ZNF77: variants seen among roughly 807,000 people sequenced by gnomAD.
ZNF77 encodes ZNFpT1.
ZNF77 carries 15 observed loss-of-function variants against 13.5 expected under a neutral mutation model. That is an observed-to-expected ratio of 1.11 (90% confidence interval 0.74 to 1.71). The LOEUF (loss-of-function observed/expected upper bound fraction) is 1.71, where lower values mean the gene tolerates loss of function less well. ZNF77 is among the 40% of genes most tolerant of loss of function. The pLI is 0.00. For missense variants in ZNF77, 717 were observed against 676.4 expected, an observed-to-expected ratio of 1.06 and a Z score of -0.67; for synonymous variants, 282 against 250.0, an observed-to-expected ratio of 1.13 and a Z score of -1.21.
chr19:2,935,254 G>A (rs1301413752), intron 3 of ZNF77, among the ~76,000 whole-genome samples: 2 of 150,574 alleles, frequency 1.3e-5, no homozygotes, highest in Admixed American at 6.6e-5. Context: ...TCCTGACCTC[G>A]TGATCCGCCT....
intron 2 of ZNF77, among the ~76,000 whole-genome samples, chr19:2,938,316 G>C (rs765431412): frequency 5.9e-5 from 9 of 152,186 alleles, no homozygotes; most frequent in Admixed American, 5.9e-4. Context: ...GATGATGTCC[G>C]AGTGTGAGTT....
Position 2,936,578 on chromosome 19 carries a change from T to G in ZNF77, c.257A>C (p.Asn86Thr). Residue 86 changes from asparagine (N) to threonine (T), a missense_variant, in exon 3 of 4, where the codon AAT (asparagine) becomes ACT (threonine). By Grantham distance (65) the Asn-to-Thr change is moderately conservative (BLOSUM62 0). Coordinates refer to ENST00000314531, the MANE Select transcript of ZNF77 (RefSeq NM_021217.3). ...ATCTCCAGTGTTATCAAATCTCCAA[T>G]TTTCTCCAAAAATAGACCAGGAATC... is the stretch of plus-strand genomic sequence containing the variant. ...GSDSWSIFGENWRFDNTGDQH... is the reference protein window; with the variant it reads ...GSDSWSIFGETWRFDNTGDQH... 1 of 1,611,552 alleles carries G rather than the reference T, an allele frequency of 6.2e-7. No homozygotes were observed. Among genetic ancestry groups the G allele is most frequent in the East Asian group, 2.2e-5 (1 of 44,786 alleles).
At position 2,936,701 on chromosome 19, in the gene ZNF77, C is replaced by G; in HGVS notation, c.134G>C (p.Cys45Ser). 6.3e-7 allele frequency: 1 copy of G among 1,598,734 alleles called. No individual in the cohort carries two copies. The highest frequency in any genetic ancestry group is 2.3e-5 in the East Asian group (1 of 44,278). ...ETCRNLASLDCYIYVRTSGSS... is the reference protein window; with the variant it reads ...ETCRNLASLDSYIYVRTSGSS... ...TCCACTGGTTCTAACATAAATGTAACAATCTGCAACAATCAATTACACAAT... is the reference window on the plus strand; with the variant it reads ...TCCACTGGTTCTAACATAAATGTAAGAATCTGCAACAATCAATTACACAAT... The change falls in exon 3 of 4, where the codon TGT becomes TCT. Residue 45 changes from cysteine to serine, a missense_variant. By Grantham distance (112) the Cys-to-Ser change is moderately radical. Transcript: ENST00000314531.
chr19:2,939,464 G>A, intron 1 of ZNF77, 57 bp from the exon 2 acceptor site: 2 of 1,598,804 alleles, frequency 1.3e-6, no homozygotes, highest in Non-Finnish European at 1.7e-6. Flanking sequence ...CATGTGCGCA[G>A]GAAGAGGGGT....
chr19:2,935,368 A>T (rs1478640497), intron 3 of ZNF77, among the ~76,000 whole-genome samples: 1 of 128,820 alleles, frequency 7.8e-6, no homozygotes, highest in African/African-American at 3.1e-5. Flanking sequence ...CCCAGGCTGG[A>T]GTGCAATGGC....
rs760226543 is a variant in ZNF77 at position 2,933,697 on chromosome 19, T to G, written c.1430A>C (p.Gln477Pro). The change falls in exon 4 of 4, where the codon CAG (glutamine) becomes CCG (proline). Residue 477 changes from glutamine to proline, a missense_variant. Coordinates refer to ENST00000314531, the MANE Select transcript of ZNF77 (RefSeq NM_021217.3). ...NQCGKAFSHAQYFQKHVRSHS... is the reference protein window; with the variant it reads ...NQCGKAFSHAPYFQKHVRSHS... ...TGATCTCACATGCTTTTGAAAGTAC[T>G]GAGCGTGGCTGAAGGCTTTCCCACA... 3.7e-6 allele frequency: 6 copies of G among 1,611,646 alleles called. No homozygotes were observed. In the South Asian group the frequency reaches 6.6e-5, roughly 18 times the overall value.
chr19:2,942,580 A>C (rs1380907929), intron 1 of ZNF77, among the ~76,000 whole-genome samples: 1 of 151,854 alleles, frequency 6.6e-6, no homozygotes, highest in Non-Finnish European at 1.5e-5. Flanking sequence ...ACCAATGCTG[A>C]GCTGGACACA....
intron 3 of ZNF77, among the ~76,000 whole-genome samples, chr19:2,935,961 A>AG (rs2088392586): frequency 1.3e-5 from 2 of 152,038 alleles, no homozygotes; most frequent in Admixed American, 6.6e-5. Context: ...GGTTGCAGTG[A>AG]GCCAAGATCC....
chr19:2,939,366 T>C lies in ZNF77; in HGVS notation c.45A>G (p.Pro15=). 3.1e-6 allele frequency: 5 copies of C among 1,614,192 alleles called. No homozygotes were observed. The highest frequency in any genetic ancestry group is 1.6e-4 in the Middle Eastern group (1 of 6,062). ...IFEEVAVNFT[P]EEWALLDHAQ... is the part of the protein sequence containing the mutation. ...CATGATCCAGCAATGCCCACTCTTCTGGGGTGAAGTTCACAGCCACTTCCT... is the reference window on the plus strand; with the variant it reads ...CATGATCCAGCAATGCCCACTCTTCCGGGGTGAAGTTCACAGCCACTTCCT... The change falls in exon 2 of 4, where the codon CCA becomes CCG. Residue 15 remains proline, a synonymous_variant. Coordinates refer to ENST00000314531, the MANE Select transcript of ZNF77 (RefSeq NM_021217.3).
At chr19:2,943,163 GT>G (rs1460277558) in intron 1 of ZNF77, among the ~76,000 whole-genome samples, 1 of 151,802 alleles carries the variant, frequency 6.6e-6, no homozygotes, top group Non-Finnish European at 1.5e-5. Flanking sequence ...TACAGCATTA[GT>G]CCCGCAGCTC....
rs779396178 is a variant in ZNF77 at position 2,936,721 on chromosome 19, C to A, written c.131-17G>T. The A allele has an allele frequency of 6.3e-7, 1 of 1,590,572 alleles. No individual in the cohort carries two copies. Among genetic ancestry groups the A allele is most frequent in the Admixed American group, 1.9e-5 (1 of 54,020 alleles). On this transcript the variant is annotated splice_polypyrimidine_tract_variant and intron_variant, in intron 2 of 3. Transcript: ENST00000314531. ...TGTAACAATCTGCAACAATCAATTA[C>A]ACAATTTCTTAGGAGAAATATGTTG...
At chr19:2,943,859 GCCA>G (rs1206269220) in intron 1 of ZNF77, among the ~76,000 whole-genome samples, 1 of 151,700 alleles carries the variant, frequency 6.6e-6, no homozygotes, top group Non-Finnish European at 1.5e-5. Flanking sequence ...GCAGGCGCCC[GCCA>G]CCACGCCGGG....
chr19:2,944,770 G>C (rs571405967), intron 1 of ZNF77, 68 bp downstream of exon 1: 6 of 1,474,568 alleles, frequency 4.1e-6, no homozygotes, highest in Non-Finnish European at 5.4e-6. Context: ...CTGCGAACTC[G>C]GGCGGAAGCC....
In ZNF77 at chr19:2,939,529, T is replaced by C. The variant is rs942469041; in HGVS notation, c.4-122A>G. Reference sequence around the variant, plus strand: ...ACAGAGCTTATGTCCTTGTGAGAGGTGACCAACAGTATGAAAAAGTGCAGT... The same window carrying C: ...ACAGAGCTTATGTCCTTGTGAGAGGCGACCAACAGTATGAAAAAGTGCAGT... On this transcript the variant is annotated intron_variant, in intron 1 of 3. Coordinates refer to ENST00000314531, the MANE Select transcript of ZNF77 (RefSeq NM_021217.3). 15 of 1,428,756 alleles carry C rather than the reference T, an allele frequency of 1.0e-5. No individual in the cohort carries two copies. The African/African-American group carries it at 2.0e-4, about 19-fold the overall frequency. 88.5% of individuals were successfully genotyped at this position (1,428,756 alleles called of 1,614,324 possible). A position where few individuals can be genotyped will look rare whatever the true frequency, so the allele number is the denominator to read the frequency against.
chr19:2,942,388 T>TC (rs1311056871), intron 1 of ZNF77, among the ~76,000 whole-genome samples: 1 of 149,382 alleles, frequency 6.7e-6, no homozygotes, highest in East Asian at 2.0e-4. Context: ...TTTTTTTTTT[T>TC]TTTCCAGACA....
intron 2 of ZNF77, among the ~76,000 whole-genome samples, chr19:2,939,048 T>G: frequency 4.0e-5 from 4 of 99,352 alleles, no homozygotes; most frequent in South Asian, 4.1e-4. Context: ...AAGGAGGCAG[T>G]GAGGGAATGA....
rs760526770 is a variant in ZNF77 at position 2,934,339 on chromosome 19, G to C, written c.788C>G (p.Thr263Arg). ...CTTACACTCATAGGGTTTCTCTCCTGTGTGAGTTCTTACGTGCCGTGTAAG... is the reference window on the plus strand; with the variant it reads ...CTTACACTCATAGGGTTTCTCTCCTCTGTGAGTTCTTACGTGCCGTGTAAG... ...SYLTRHVRTH[T>R]GEKPYECKEC... Residue 263 changes from threonine to arginine, a missense_variant, in exon 4 of 4, where the codon ACA becomes AGA. By Grantham distance (71) the Thr-to-Arg change is moderately conservative. Coordinates refer to ENST00000314531, the MANE Select transcript of ZNF77 (RefSeq NM_021217.3). 1.2e-6 allele frequency: 2 copies of C among 1,614,068 alleles called. No homozygotes were observed. The highest frequency in any genetic ancestry group is 1.7e-5 in the Admixed American group (1 of 59,994).
Position 2,936,562 on chromosome 19 carries a change from G to A in ZNF77, c.273C>T (p.Asn91=), listed in dbSNP as rs779610821. ...SIFGENWRFD[N]TGDQHQIPQR... ...GTGGGATTTGGTGCTGATCTCCAGTGTTATCAAATCTCCAATTTTCTCCAA... is the reference window on the plus strand; with the variant it reads ...GTGGGATTTGGTGCTGATCTCCAGTATTATCAAATCTCCAATTTTCTCCAA... The change falls in exon 3 of 4, where the codon AAC becomes AAT. Residue 91 remains asparagine, a synonymous_variant. Coordinates refer to ENST00000314531, the MANE Select transcript of ZNF77 (RefSeq NM_021217.3). 2 of 1,610,964 alleles carry A rather than the reference G, an allele frequency of 1.2e-6. No homozygotes were observed.
At chr19:2,943,206 T>C (rs1200106490) in intron 1 of ZNF77, among the ~76,000 whole-genome samples, 1 of 151,888 alleles carries the variant, frequency 6.6e-6, no homozygotes, top group African/African-American at 2.4e-5. Context: ...CCCTGTTGCT[T>C]ATACCCCCAC....
Sources: allele counts gnomAD v4.1 joint callset (sites outside exome capture counted in the v4.1 genomes callset), GRCh38; gene constraint gnomAD v4.1.1; transcripts MANE v1.5; gene names NCBI Gene and HGNC (gene_info 2026-07-23, HGNC 2026-07-21).